The following FAIM2 variants were observed in gnomAD, a reference collection of about 807,000 sequenced individuals.
FAIM2 encodes the protein Fas apoptotic inhibitory molecule 2.
A neutral mutation model predicts 47.4 loss-of-function variants in FAIM2; 27 were observed. The ratio of observed to expected loss-of-function variants is 0.57; its 90% CI spans 0.42 to 0.78. The LOEUF (loss-of-function observed/expected upper bound fraction) is 0.78. Among genes scored for constraint, FAIM2 ranks in the 30% least tolerant of loss-of-function variants. The pLI is 0.00. For missense variants in FAIM2, 311 were observed against 389.4 expected (o/e 0.80, Z 1.69); for synonymous variants, 156 against 159.3 (o/e 0.98, Z 0.16).
chr12:49,887,435 G>A lies in FAIM2; in HGVS notation c.752C>T (p.Pro251Leu). Residue 251 changes from proline (P) to leucine (L), a missense_variant, in exon 11 of 12, where the codon CCC becomes CTC. Coordinates refer to ENST00000320634, the MANE Select transcript of FAIM2 (RefSeq NM_012306.4). ...LAILLPFQYV[P>L]WLHAVYAALG... Reference sequence around the variant, plus strand: ...TGCTGCATAAACTGCATGGAGCCAGGGCACCTGCGGCAGAGGAAAAATGGG... The same window carrying A: ...TGCTGCATAAACTGCATGGAGCCAGAGCACCTGCGGCAGAGGAAAAATGGG... 6.2e-7 allele frequency: 1 copy of A among 1,610,944 alleles called. No homozygotes were observed. The highest frequency in any genetic ancestry group is 8.5e-7 in the Non-Finnish European group (1 of 1,178,452).
intron 11 of FAIM2, among the ~76,000 whole-genome samples, chr12:49,880,164 G>GTC (rs1337518501): frequency 1.2e-4 from 17 of 139,190 alleles, no homozygotes; most frequent in African/African-American, 4.5e-4. Context: ...GTGTGCATGT[G>GTC]TGTATGTGTG....
chr12:49,868,507 G>C lies in FAIM2; in HGVS notation c.*1997C>G, dbSNP rs1265577262. On this transcript the variant is annotated 3_prime_UTR_variant, in exon 12 of 12. Transcript: ENST00000320634. ...GGTTTCAGGAAAGACGGGAGGCCGG[G>C]TGGCACTGAGGACAAGAAATCCCCA... The C allele has an allele frequency of 1.3e-5, 2 of 152,228 alleles. No individual in the cohort carries two copies. The highest frequency in any genetic ancestry group is 3.9e-4 in the East Asian group (2 of 5,192). The allele number at this position is 152,228 out of a possible 1,614,324, so 9.4% of individuals were successfully genotyped here.
At chr12:49,889,424 G>T in intron 9 of FAIM2, 57 bp downstream of exon 9, 2 of 1,505,898 alleles carry the variant, frequency 1.3e-6, no homozygotes, top group Non-Finnish European at 1.8e-6. Flanking sequence ...CACCCCATCT[G>T]CCTTCCCCTG....
chr12:49,881,515 T>C (rs1592788387), intron 11 of FAIM2, among the ~76,000 whole-genome samples: 1 of 152,112 alleles, frequency 6.6e-6, no homozygotes, highest in African/African-American at 2.4e-5. Flanking sequence ...CCAAGTTCCA[T>C]GGGCCCTGGA....
At chr12:49,871,217 G>C (rs1170256831) in intron 11 of FAIM2, among the ~76,000 whole-genome samples, 1 of 152,238 alleles carries the variant, frequency 6.6e-6, no homozygotes, top group African/African-American at 2.4e-5. Flanking sequence ...GCGAGGCCCA[G>C]AGACCTTAAA....
chr12:49,903,542 C>T (rs568899623), intron 1 of FAIM2, among the ~76,000 whole-genome samples: 1 of 152,330 alleles, frequency 6.6e-6, no homozygotes, highest in South Asian at 2.1e-4. Flanking sequence ...TGCTGTAATG[C>T]CAAAGCAGGG....
chr12:49,871,715 G>A (rs540112035), intron 11 of FAIM2, among the ~76,000 whole-genome samples: 129 of 149,910 alleles, frequency 8.6e-4, no homozygotes, highest in Non-Finnish European at 1.4e-3. Flanking sequence ...TGCCCAGGTC[G>A]GAGTGCAATG....
chr12:49,890,975 C>T lies in FAIM2; in HGVS notation c.485+89G>A. ...GGGATGGGGCCCTCTCAGGGCTGCA[C>T]AGCTCACTGGTGGCTGGCAGGGCTG... is the stretch of plus-strand genomic sequence containing the variant. On this transcript the variant is annotated intron_variant, in intron 6 of 11. Transcript: ENST00000320634. 3 of 1,333,248 alleles carry T rather than the reference C, an allele frequency of 2.3e-6. No homozygotes were observed. In the South Asian group the frequency reaches 3.5e-5, roughly 16 times the overall value. 82.6% of individuals were successfully genotyped at this position (1,333,248 alleles called of 1,614,324 possible).
intron 2 of FAIM2, among the ~76,000 whole-genome samples, chr12:49,900,555 C>T (rs1946975116): frequency 6.6e-6 from 1 of 152,144 alleles, no homozygotes; most frequent in Admixed American, 6.5e-5. Context: ...ACCACACTCC[C>T]TCCCTGGGTC....
intron 11 of FAIM2, among the ~76,000 whole-genome samples, chr12:49,885,784 T>C (rs1464947494): frequency 6.6e-6 from 1 of 152,188 alleles, no homozygotes; most frequent in Non-Finnish European, 1.5e-5. Context: ...CTGGAGGTCA[T>C]TTATTCATTC....
At chr12:49,877,621 G>GTCTAAAAGTCATGCCT (rs370908720) in intron 11 of FAIM2, among the ~76,000 whole-genome samples, 78 of 151,924 alleles carry the variant, frequency 5.1e-4, no homozygotes, top group South Asian at 1.2e-3. Flanking sequence ...CACTAGAAAA[G>GTCTAAAAGTCATGCCT]CAGGGTGAGG....
chr12:49,879,964 ATGTG>A (rs1555158361), intron 11 of FAIM2, among the ~76,000 whole-genome samples: 1 of 44,692 alleles, frequency 2.2e-5, no homozygotes, highest in East Asian at 7.3e-4. Flanking sequence ...TTGTATGTGC[ATGTG>A]TGTGTATATG....
At chr12:49,890,206 C>T in intron 7 of FAIM2, 52 bp from the exon 8 acceptor site, 1 of 1,586,012 alleles carries the variant, frequency 6.3e-7, no homozygotes, top group Non-Finnish European at 8.7e-7. Context: ...CGCAGGGGCC[C>T]AGGCACCCTC....
At chr12:49,875,625 G>A (rs1946730962) in intron 11 of FAIM2, among the ~76,000 whole-genome samples, 1 of 152,178 alleles carries the variant, frequency 6.6e-6, no homozygotes, top group African/African-American at 2.4e-5. Flanking sequence ...CCTGGCCCAG[G>A]ATGAAAGGGG....
intron 11 of FAIM2, 42 bp from the exon 12 acceptor site, chr12:49,870,695 G>C (rs377475004): frequency 6.2e-7 from 1 of 1,606,506 alleles, no homozygotes; most frequent in Non-Finnish European, 8.5e-7. Context: ...CAGAGGCCCA[G>C]GCAGTGTGAC....
In FAIM2 at chr12:49,869,964, T is replaced by C. The variant is rs762802127; in HGVS notation, c.*540A>G. On this transcript the variant is annotated 3_prime_UTR_variant, in exon 12 of 12. Transcript: ENST00000320634. ...CGCTGGTCCCAGAGCCAAGAGAAGA[T>C]GGGCAGACTGGGACAGCCATCCTGC... 1 of 153,040 alleles carries C rather than the reference T, an allele frequency of 6.5e-6. No homozygotes were observed. Among genetic ancestry groups the C allele is most frequent in the Non-Finnish European group, 1.5e-5 (1 of 68,740 alleles). The allele number at this position is 153,040 out of a possible 1,614,324, so 9.5% of individuals were successfully genotyped here.
intron 5 of FAIM2, among the ~76,000 whole-genome samples, chr12:49,895,334 C>T (rs2137103747): frequency 6.6e-6 from 1 of 152,146 alleles, no homozygotes; most frequent in South Asian, 2.1e-4. Context: ...CCCCCCATCC[C>T]CCCCAATGGA....
chr12:49,887,347 GC>G (rs753255026), intron 11 of FAIM2, 38 bp downstream of exon 11: 1 of 1,576,794 alleles, frequency 6.3e-7, no homozygotes, highest in Admixed American at 1.7e-5. Context: ...TGGTCAGGAT[GC>G]TGGGAAGGAG....
In FAIM2 at chr12:49,900,885, GA is replaced by G. The variant is rs59298474; in HGVS notation, c.211+244del. Among the ~76,000 whole-genome samples the G allele has an allele frequency of 1.4e-4, 21 of 150,736 alleles. 1 individual carries two copies. Among genetic ancestry groups the G allele is most frequent in the Non-Finnish European group, 2.5e-4 (17 of 67,594 alleles). ...TCCATTTGCTCTAGCATGGTGACTTGAAAAAAAAATGCCCTCTTCCCTATTG... is the reference window on the plus strand; with the variant it reads ...TCCATTTGCTCTAGCATGGTGACTTGAAAAAAAATGCCCTCTTCCCTATTG... On this transcript the variant is annotated intron_variant, in intron 2 of 11. Coordinates refer to ENST00000320634, the MANE Select transcript of FAIM2 (RefSeq NM_012306.4).
Sources: gnomAD v4.1 joint callset for allele counts (sites outside exome capture counted in the v4.1 genomes callset) on GRCh38, gnomAD v4.1.1 for gene constraint, MANE v1.5 for transcripts, NCBI Gene and HGNC (gene_info 2026-07-23, HGNC 2026-07-21) for gene names.